ARHGEF28: variants seen among roughly 807,000 people sequenced by gnomAD.
The protein encoded by ARHGEF28 is Rho guanine nucleotide exchange factor 28, also known as 190 kDa guanine nucleotide exchange factor.
In ARHGEF28, 152 loss-of-function variants were observed where a neutral mutation model predicts 206.6. That is an observed-to-expected ratio of 0.74 (90% CI 0.64 to 0.84). The LOEUF (loss-of-function observed/expected upper bound fraction) is 0.84. Among genes scored for constraint, ARHGEF28 ranks in the 40% least tolerant of loss-of-function variants. The pLI is 0.00. For missense variants in ARHGEF28, 2,028 were observed against 2,073.2 expected (o/e 0.98, Z 0.42); for synonymous variants, 763 against 776.4 (o/e 0.98, Z 0.29).
chr5:73,926,009 C>G (rs1449000369), intron 35 of ARHGEF28, among the ~76,000 whole-genome samples: 1 of 152,180 alleles, frequency 6.6e-6, no homozygotes, highest in East Asian at 1.9e-4. Flanking sequence ...TTTCAAGAAA[C>G]TGTGCAACAG....
intron 12 of ARHGEF28, among the ~76,000 whole-genome samples, chr5:73,847,149 TTTC>T (rs1429301337): frequency 6.6e-6 from 1 of 152,224 alleles, no homozygotes; most frequent in Non-Finnish European, 1.5e-5. Context: ...TTCTACTTGT[TTTC>T]TTCTTAAGTT....
chr5:73,909,079 A>G, intron 33 of ARHGEF28: 1 of 201,132 alleles, frequency 5.0e-6, no homozygotes, highest in Non-Finnish European at 1.0e-5. Flanking sequence ...AGCCTTGTGA[A>G]TTTATGTGCC....
intron 2 of ARHGEF28, among the ~76,000 whole-genome samples, chr5:73,720,238 A>T (rs1749856825): frequency 6.6e-6 from 1 of 152,226 alleles, no homozygotes; most frequent in Admixed American, 6.5e-5. Flanking sequence ...ACAGATGAGA[A>T]GGGTCAAATT....
chr5:73,801,242 C>T (rs1490060857), intron 9 of ARHGEF28, among the ~76,000 whole-genome samples: 2 of 151,848 alleles, frequency 1.3e-5, no homozygotes, highest in Admixed American at 1.3e-4. Context: ...GTCGGGAGAT[C>T]GAGACCATCC....
intron 3 of ARHGEF28, among the ~76,000 whole-genome samples, chr5:73,750,940 A>G (rs1561377853): frequency 6.6e-6 from 1 of 152,228 alleles, no homozygotes; most frequent in Non-Finnish European, 1.5e-5. Context: ...GCCAGTGAAC[A>G]TGCAAACAAC....
chr5:73,754,301 C>T (rs1302455135), intron 4 of ARHGEF28, among the ~76,000 whole-genome samples: 1 of 152,184 alleles, frequency 6.6e-6, no homozygotes, highest in East Asian at 1.9e-4. Flanking sequence ...ATCAGGGTCA[C>T]ACTAAAACTC....
At chr5:73,824,717 C>G (rs548503883) in intron 9 of ARHGEF28, among the ~76,000 whole-genome samples, 1 of 152,116 alleles carries the variant, frequency 6.6e-6, no homozygotes, top group Non-Finnish European at 1.5e-5. Flanking sequence ...ATTCACCCAC[C>G]TTGGCCTCCC....
intron 8 of ARHGEF28, 78 bp downstream of exon 8, chr5:73,794,532 G>A: frequency 1.7e-6 from 2 of 1,202,998 alleles, no homozygotes; most frequent in Non-Finnish European, 2.3e-6. Flanking sequence ...TAATAAAAAT[G>A]TTTAAAAAAC....
chr5:73,805,252 A>T (rs1018592224), intron 9 of ARHGEF28, among the ~76,000 whole-genome samples: 4 of 152,138 alleles, frequency 2.6e-5, no homozygotes, highest in African/African-American at 9.7e-5. Context: ...GGTACACAAC[A>T]CTATGCCTTT....
At chr5:73,807,922 T>G (rs1755609589) in intron 9 of ARHGEF28, among the ~76,000 whole-genome samples, 1 of 152,078 alleles carries the variant, frequency 6.6e-6, no homozygotes, top group African/African-American at 2.4e-5. Context: ...TTTTCTTGTT[T>G]TCTTATTATA....
chr5:73,863,427 C>G (rs1187492495), intron 16 of ARHGEF28: 1 of 152,054 alleles, frequency 6.6e-6, no homozygotes, highest in Non-Finnish European at 1.5e-5. Context: ...TTCCTCTTCT[C>G]CATATTCTGG....
chr5:73,767,442 T>A (rs182149172), intron 4 of ARHGEF28, among the ~76,000 whole-genome samples: 1 of 152,278 alleles, frequency 6.6e-6, no homozygotes, highest in Non-Finnish European at 1.5e-5. Flanking sequence ...GGACAATAAA[T>A]TCCAGGCTGA....
chr5:73,695,885 G>A (rs915309930), intron 2 of ARHGEF28, among the ~76,000 whole-genome samples: 1 of 152,154 alleles, frequency 6.6e-6, no homozygotes, highest in Non-Finnish European at 1.5e-5. Flanking sequence ...GTTCTAATCA[G>A]ACAAGTCCTC....
intron 20 of ARHGEF28, among the ~76,000 whole-genome samples, chr5:73,868,669 T>A (rs2931420): frequency 6.6e-6 from 1 of 151,990 alleles, no homozygotes; most frequent in Non-Finnish European, 1.5e-5. Context: ...TGTTTTGTGA[T>A]GGAGTCTCAC....
intron 1 of ARHGEF28, among the ~76,000 whole-genome samples, chr5:73,645,210 T>G (rs1744355573): frequency 6.6e-6 from 1 of 152,142 alleles, no homozygotes; most frequent in Non-Finnish European, 1.5e-5. Flanking sequence ...AGAGATATGG[T>G]CTTACTATTT....
chr5:73,672,147 C>A (rs570440028), intron 1 of ARHGEF28, among the ~76,000 whole-genome samples: 4 of 152,188 alleles, frequency 2.6e-5, no homozygotes, highest in Admixed American at 1.3e-4. Flanking sequence ...ATTGCTGGGT[C>A]TCTGGCAAAA....
At chr5:73,867,319 G>T (rs1759768904) in intron 18 of ARHGEF28, among the ~76,000 whole-genome samples, 1 of 152,096 alleles carries the variant, frequency 6.6e-6, no homozygotes, top group African/African-American at 2.4e-5. Flanking sequence ...GAATATTTTA[G>T]AACTGACCAG....
chr5:73,756,652 A>G (rs1450729402), intron 4 of ARHGEF28, among the ~76,000 whole-genome samples: 3 of 152,148 alleles, frequency 2.0e-5, no homozygotes, highest in Admixed American at 6.5e-5. Flanking sequence ...TCATATATGG[A>G]TATTGGCTAA....
Position 73,627,539 on chromosome 5 carries a change from C to A in ARHGEF28, c.-12+1217C>A, listed in dbSNP as rs575868960. Among the ~76,000 whole-genome samples, 33 of 152,236 alleles carry A rather than the reference C, an allele frequency of 2.2e-4. No individual in the cohort carries two copies. In the East Asian group the frequency reaches 6.0e-3, roughly 28 times the overall value. Reference sequence around the variant, plus strand: ...CCTGGGAAGGTTTCTCTAGATCTGTCCTGGGTTTTTAGTTACACATTCCTA... The same window carrying A: ...CCTGGGAAGGTTTCTCTAGATCTGTACTGGGTTTTTAGTTACACATTCCTA... On this transcript the variant is annotated intron_variant, in intron 1 of 35. Transcript: ENST00000513042.
Sources: allele counts gnomAD v4.1 joint callset (sites outside exome capture counted in the v4.1 genomes callset), GRCh38; gene constraint gnomAD v4.1.1; transcripts MANE v1.5; gene names NCBI Gene and HGNC (gene_info 2026-07-23, HGNC 2026-07-21).